The following TEX11 variants were observed in gnomAD, a reference collection of about 807,000 sequenced individuals.
TEX11 encodes the protein testis-expressed protein 11.
A neutral mutation model predicts 84.4 loss-of-function variants in TEX11; 7 were observed. The observed-to-expected ratio is 0.08, with a 90% CI of 0.05 to 0.16. TEX11 has a LOEUF of 0.16. TEX11 is among the 10% of genes least tolerant of loss of function. The pLI is 1.00. For synonymous variants in TEX11, 264 were observed against 222.8 expected (o/e 1.18, Z -1.64); for missense variants, 551 against 660.5 (o/e 0.83, Z 1.82).
chrX:70,759,168 C>T (rs1023528940), intron 9 of TEX11, among the ~76,000 whole-genome samples: 2 of 111,725 alleles, frequency 1.8e-5, no homozygotes, highest in African/African-American at 6.5e-5. Context: ...GACGGACTCA[C>T]AGCCAAATTC....
At chrX:70,627,531 A>C (rs187360396) in intron 18 of TEX11, among the ~76,000 whole-genome samples, 1 of 112,018 alleles carries the variant, frequency 8.9e-6, no homozygotes, top group Admixed American at 9.4e-5. Context: ...AATCTGTGGA[A>C]GTTCTCTTCC....
intron 17 of TEX11, among the ~76,000 whole-genome samples, chrX:70,634,802 C>G (rs754314520): frequency 2.9e-4 from 32 of 111,024 alleles, no homozygotes; most frequent in Non-Finnish European, 5.7e-4. Context: ...AAACCTAAAA[C>G]TGTAAAATTT....
chrX:70,554,937 C>T (rs1466138984), intron 25 of TEX11, 137 bp from the exon 26 acceptor site: 2 of 521,593 alleles, frequency 3.8e-6, no homozygotes, highest in Non-Finnish European at 5.7e-6. Context: ...ATCTTCACTG[C>T]TGTAGACAGA....
At chrX:70,890,312 G>T (rs1335069228) in intron 2 of TEX11, among the ~76,000 whole-genome samples, 1 of 111,734 alleles carries the variant, frequency 8.9e-6, no homozygotes, top group African/African-American at 3.3e-5. Flanking sequence ...TTCCAACTGA[G>T]GTACCTGGTT....
At chrX:70,889,038 G>A (rs1431421505) in intron 2 of TEX11, among the ~76,000 whole-genome samples, 2 of 110,762 alleles carry the variant, frequency 1.8e-5, no homozygotes, top group African/African-American at 6.6e-5. Context: ...CAAAAGCTGA[G>A]GGATTTCATC....
At chrX:70,645,704 G>A (rs991198857) in intron 17 of TEX11, among the ~76,000 whole-genome samples, 1 of 110,992 alleles carries the variant, frequency 9.0e-6, no homozygotes, top group African/African-American at 3.3e-5. Context: ...AAATATTTAG[G>A]AGCAAATTTA....
chrX:70,872,919 T>A (rs1240294496), intron 4 of TEX11, among the ~76,000 whole-genome samples: 1 of 111,900 alleles, frequency 8.9e-6, no homozygotes, highest in Non-Finnish European at 1.9e-5. Context: ...ATAATCCATG[T>A]CCTTTAACAT....
At chrX:70,705,681 T>G (rs2090367344) in intron 13 of TEX11, among the ~76,000 whole-genome samples, 1 of 112,152 alleles carries the variant, frequency 8.9e-6, no homozygotes, top group Non-Finnish European at 1.9e-5. Context: ...AAAGAAGACA[T>G]TTATGCAGCC....
At chrX:70,705,724 G>C (rs1424695922) in intron 13 of TEX11, among the ~76,000 whole-genome samples, 4 of 111,913 alleles carry the variant, frequency 3.6e-5, no homozygotes, top group Admixed American at 2.8e-4. Flanking sequence ...ATCATCACTG[G>C]CCATCAGAGA....
intron 9 of TEX11, among the ~76,000 whole-genome samples, chrX:70,775,999 T>G (rs1350197199): frequency 1.9e-5 from 2 of 106,111 alleles, no homozygotes; most frequent in Admixed American, 1.0e-4. Flanking sequence ...GCACTGTTGA[T>G]GAGAATGTAA....
chrX:70,714,446 C>T (rs1252122384), intron 13 of TEX11, among the ~76,000 whole-genome samples: 11 of 111,046 alleles, frequency 9.9e-5, no homozygotes, highest in Admixed American at 5.7e-4. Flanking sequence ...TGTAGGTCTC[C>T]AAGGACTTGC....
rs144413036 is a variant in TEX11 at position 70,818,691 on chromosome X, C to A, written c.607-11901G>T. 1.8e-4 allele frequency among the ~76,000 whole-genome samples: 20 copies of A among 110,576 alleles called. No homozygotes were observed. The Admixed American group carries it at 1.9e-3, about 11-fold the overall frequency. ...TTTGAGCTGGTGGCACCACGCACTC[C>A]CTAGCCCTAGAACCACCACATATCC... On this transcript the variant is annotated intron_variant, in intron 8 of 29. Transcript: ENST00000374333.
At position 70,530,035 on chromosome X, in the gene TEX11, T is replaced by G. The variant is rs771591924; in HGVS notation, c.2521-36A>C. 3.4e-4 allele frequency: 379 copies of G among 1,127,094 alleles called. 4 individuals are homozygous for G. The South Asian group carries it at 6.3e-3, about 19-fold the overall frequency. The allele number at this position is 1,127,094 out of a possible 1,213,427, so 92.9% of individuals were successfully genotyped here. On this transcript the variant is annotated intron_variant, in intron 28 of 29. Transcript: ENST00000374333. ...AGAACAGAAATTTTGCAGTTATTAC[T>G]GTCACAGTTCATTGTGGCACTACCT...
chrX:70,666,516 G>A (rs1416590869), intron 16 of TEX11, among the ~76,000 whole-genome samples: 1 of 111,576 alleles, frequency 9.0e-6, no homozygotes, highest in Non-Finnish European at 1.9e-5. Flanking sequence ...CCTGGCATGA[G>A]TCTACTTCCC....
intron 8 of TEX11, among the ~76,000 whole-genome samples, chrX:70,821,603 C>G (rs763835018): frequency 5.4e-5 from 6 of 112,069 alleles, no homozygotes; most frequent in Non-Finnish European, 1.1e-4. Flanking sequence ...CCTGTAGAAC[C>G]GTGAGCCAAT....
chrX:70,712,018 T>A (rs998887702), intron 13 of TEX11, among the ~76,000 whole-genome samples: 1 of 111,782 alleles, frequency 8.9e-6, no homozygotes, highest in Non-Finnish European at 1.9e-5. Context: ...GGCTAGCCAG[T>A]TTTCCCAGCA....
At chrX:70,748,897 A>G (rs373243031) in intron 9 of TEX11, among the ~76,000 whole-genome samples, 2 of 102,690 alleles carry the variant, frequency 1.9e-5, no homozygotes, top group Non-Finnish European at 3.9e-5. Flanking sequence ...TTGACTTGGC[A>G]ATGCGGGCTC....
At chrX:70,536,862 CTGA>C (rs2087965391) in intron 28 of TEX11, among the ~76,000 whole-genome samples, 1 of 111,844 alleles carries the variant, frequency 8.9e-6, no homozygotes, top group Non-Finnish European at 1.9e-5. Context: ...TTAATTTTGA[CTGA>C]ATTTATTGCA....
At chrX:70,876,192 T>C (rs768483717) in intron 3 of TEX11, among the ~76,000 whole-genome samples, 1 of 112,338 alleles carries the variant, frequency 8.9e-6, no homozygotes, top group African/African-American at 3.2e-5. Context: ...TTGCCTTTTA[T>C]GATGCCAGAA....
Sources: gnomAD v4.1 joint callset for allele counts (sites outside exome capture counted in the v4.1 genomes callset) on GRCh38, gnomAD v4.1.1 for gene constraint, MANE v1.5 for transcripts, NCBI Gene and HGNC (gene_info 2026-07-23, HGNC 2026-07-21) for gene names.